Variants in KCNK13 observed in about 807,000 individuals in gnomAD.
KCNK13 encodes the protein potassium channel subfamily K member 13.
KCNK13 carries 12 observed loss-of-function variants against 23.4 expected under a neutral mutation model. That is an observed-to-expected ratio of 0.51 (90% confidence interval 0.33 to 0.83). The LOEUF (loss-of-function observed/expected upper bound fraction) is 0.83. Among genes scored for constraint, KCNK13 ranks in the 40% least tolerant of loss-of-function variants. KCNK13 has a pLI of 0.02. For missense variants in KCNK13, 463 were observed against 556.3 expected, an observed-to-expected ratio of 0.83 and a Z score of 1.69; for synonymous variants, 231 against 229.5, an observed-to-expected ratio of 1.01 and a Z score of -0.06.
chr14:90,128,493 G>A (rs552516484), intron 1 of KCNK13, among the ~76,000 whole-genome samples: 67 of 152,214 alleles, frequency 4.4e-4, no homozygotes, highest in African/African-American at 1.6e-3. Context: ...TGGCACGTGT[G>A]GGCTCTCAAG....
chr14:90,072,885 A>C (rs1889092542), intron 1 of KCNK13, among the ~76,000 whole-genome samples: 1 of 152,110 alleles, frequency 6.6e-6, no homozygotes, highest in African/African-American at 2.4e-5. Context: ...AAAAGTATGA[A>C]ATTTTGGATT....
Position 90,143,703 on chromosome 14 carries a change from A to G in KCNK13, c.335-40408A>G, listed in dbSNP as rs149777813. Among the ~76,000 whole-genome samples, 1,465 of 152,334 alleles carry G rather than the reference A, an allele frequency of 9.6e-3. 23 individuals are homozygous for G. Among genetic ancestry groups the G allele is most frequent in the Admixed American group, 0.015 (234 of 15,300 alleles). On this transcript the variant is annotated intron_variant, in intron 1 of 1. Transcript: ENST00000282146. ...AGATCCTAGAACTAGGACAAATTCA[A>G]TGAGACTCTGGGGCTGCTATGTGCA...
At chr14:90,139,231 A>T (rs568514533) in intron 1 of KCNK13, among the ~76,000 whole-genome samples, 119 of 152,298 alleles carry the variant, frequency 7.8e-4, no homozygotes, top group Non-Finnish European at 1.0e-3. Context: ...ACAGACTGTG[A>T]TGATTGAATG....
At chr14:90,095,902 C>A (rs534364394) in intron 1 of KCNK13, among the ~76,000 whole-genome samples, 15 of 152,256 alleles carry the variant, frequency 9.9e-5, no homozygotes, top group African/African-American at 3.1e-4. Flanking sequence ...GGCAATAAAT[C>A]GGGTCCCACA....
intron 1 of KCNK13, among the ~76,000 whole-genome samples, chr14:90,154,902 A>T (rs2140435420): frequency 6.6e-6 from 1 of 152,364 alleles, no homozygotes; most frequent in East Asian, 1.9e-4. Flanking sequence ...CTGACTATGT[A>T]CTGTATGTAC....
chr14:90,117,496 A>G (rs1889690589), intron 1 of KCNK13, among the ~76,000 whole-genome samples: 1 of 152,136 alleles, frequency 6.6e-6, no homozygotes, highest in South Asian at 2.1e-4. Context: ...AGACCGAGGC[A>G]AGAGAATCAC....
chr14:90,071,727 T>A (rs544037877), intron 1 of KCNK13, among the ~76,000 whole-genome samples: 6 of 152,144 alleles, frequency 3.9e-5, no homozygotes, highest in Non-Finnish European at 7.4e-5. Context: ...TGAAACCCTG[T>A]CTCTACTAAA....
intron 1 of KCNK13, among the ~76,000 whole-genome samples, chr14:90,109,791 C>T (rs1383340585): frequency 6.6e-6 from 1 of 151,916 alleles, no homozygotes; most frequent in Non-Finnish European, 1.5e-5. Context: ...TCACTGTAGC[C>T]TCAGCCTCCC....
chr14:90,161,153 A>G (rs1404080654), intron 1 of KCNK13, among the ~76,000 whole-genome samples: 1 of 152,202 alleles, frequency 6.6e-6, no homozygotes, highest in Admixed American at 6.5e-5. Context: ...TATAACATGG[A>G]TCAGCCTTGA....
At chr14:90,097,738 A>G (rs753154527) in intron 1 of KCNK13, among the ~76,000 whole-genome samples, 3 of 152,174 alleles carry the variant, frequency 2.0e-5, no homozygotes, top group Non-Finnish European at 4.4e-5. Context: ...GGACTAAGCA[A>G]TCAGATTAAA....
intron 1 of KCNK13, among the ~76,000 whole-genome samples, chr14:90,167,383 A>C (rs9652394): frequency 0.3 from 46,264 of 152,092 alleles, 8,203 homozygotes; most frequent in Non-Finnish European, 0.42. Context: ...TGGAAGCATA[A>C]CATTTATTGA....
At chr14:90,179,311 T>C (rs1185938816) in intron 1 of KCNK13, among the ~76,000 whole-genome samples, 1 of 148,384 alleles carries the variant, frequency 6.7e-6, no homozygotes, top group Non-Finnish European at 1.5e-5. Context: ...AATATCATAA[T>C]ACAAAGCTTT....
At chr14:90,158,913 C>T (rs1207887567) in intron 1 of KCNK13, among the ~76,000 whole-genome samples, 2 of 152,186 alleles carry the variant, frequency 1.3e-5, no homozygotes, top group South Asian at 4.1e-4. Context: ...CTGTGGGTCC[C>T]CAGTTGGAAG....
chr14:90,150,154 T>C (rs1415960042), intron 1 of KCNK13, among the ~76,000 whole-genome samples: 2 of 152,146 alleles, frequency 1.3e-5, no homozygotes, highest in Non-Finnish European at 2.9e-5. Context: ...TGTAGAAATT[T>C]CCCAGCCAAA....
At position 90,141,646 on chromosome 14, in the gene KCNK13, C is replaced by T. The variant is rs60138234; in HGVS notation, c.335-42465C>T. Among the ~76,000 whole-genome samples the T allele has an allele frequency of 3.1e-3, 467 of 151,690 alleles. 1 individual carries two copies. Among genetic ancestry groups the T allele is most frequent in the African/African-American group, 0.011 (435 of 41,320 alleles). On this transcript the variant is annotated intron_variant, in intron 1 of 1. Coordinates refer to ENST00000282146, the MANE Select transcript of KCNK13 (RefSeq NM_022054.4). ...CTAATTTTGGTATTTTTAGTAGAGA[C>T]GAGATTTCACCATGTTGGTCAGGCT...
At chr14:90,109,050 G>A (rs979374832) in intron 1 of KCNK13, among the ~76,000 whole-genome samples, 12 of 152,036 alleles carry the variant, frequency 7.9e-5, no homozygotes, top group Middle Eastern at 3.4e-3. Flanking sequence ...GGTGGCAGGC[G>A]CCTGTAGTCC....
intron 1 of KCNK13, among the ~76,000 whole-genome samples, chr14:90,094,805 G>A (rs977722644): frequency 6.6e-6 from 1 of 151,800 alleles, no homozygotes; most frequent in Admixed American, 6.6e-5. Flanking sequence ...CCACCACCAC[G>A]CCTGGCTAAT....
At chr14:90,145,356 G>C (rs183596691) in intron 1 of KCNK13, among the ~76,000 whole-genome samples, 2 of 152,120 alleles carry the variant, frequency 1.3e-5, no homozygotes, top group East Asian at 3.9e-4. Context: ...TCACTCCACT[G>C]TACCCCAGCC....
At chr14:90,101,811 A>AAAAAAAAAAAAAAAAAAAAC in intron 1 of KCNK13, among the ~76,000 whole-genome samples, 1 of 147,436 alleles carries the variant, frequency 6.8e-6, no homozygotes, top group Admixed American at 6.8e-5. Context: ...AAAAAAAAAA[A>AAAAAAAAAAAAAAAAAAAAC]ACCTCACAAG....
Sources: gnomAD v4.1 joint callset for allele counts (sites outside exome capture counted in the v4.1 genomes callset) on GRCh38, gnomAD v4.1.1 for gene constraint, MANE v1.5 for transcripts, NCBI Gene and HGNC (gene_info 2026-07-23, HGNC 2026-07-21) for gene names.